RNF144A: variants seen among roughly 807,000 people sequenced by gnomAD.
The protein encoded by RNF144A is E3 ubiquitin-protein ligase RNF144A.
RNF144A carries 11 observed loss-of-function variants against 38.7 expected under a neutral mutation model. The observed-to-expected ratio is 0.28, with a 90% CI of 0.18 to 0.47. RNF144A has a LOEUF of 0.47. Ranked by LOEUF, RNF144A falls within the 20% of genes least tolerant of loss-of-function variation. The pLI is 0.99. For synonymous variants in RNF144A, 149 were observed against 143.9 expected (o/e 1.04, Z -0.25); for missense variants, 316 against 377.2 (o/e 0.84, Z 1.34).
chr2:7,058,811 G>A (rs1300622575), intron 6 of RNF144A, among the ~76,000 whole-genome samples: 1 of 151,996 alleles, frequency 6.6e-6, no homozygotes, highest in Non-Finnish European at 1.5e-5. Flanking sequence ...TTTTGTCCTT[G>A]CAATGTTTTT....
At chr2:7,074,104 C>T in the RNF144A span, among the ~76,000 whole-genome samples, 1 of 152,342 alleles carries the variant, frequency 6.6e-6, no homozygotes, top group Non-Finnish European at 1.5e-5. Context: ...CATATCAATG[C>T]CTTGCACAGA....
chr2:6,939,752 G>A lies in RNF144A; in HGVS notation c.-211-1196G>A, dbSNP rs1177290557. Among the ~76,000 whole-genome samples, 3 of 151,644 alleles carry A rather than the reference G, an allele frequency of 2.0e-5. No individual in the cohort carries two copies. The East Asian group carries it at 5.8e-4, about 29-fold the overall frequency. ...CATTTGCTGTTAATTTTTGTGAAAG[G>A]TTTAAGGTCTGTGTTTAGATTCAGT... On this transcript the variant is annotated intron_variant, in intron 1 of 8. Transcript: ENST00000320892.
At chr2:7,038,723 A>G (rs1210604391) in intron 8 of RNF144A, among the ~76,000 whole-genome samples, 5 of 152,052 alleles carry the variant, frequency 3.3e-5, no homozygotes, top group Non-Finnish European at 7.4e-5. Context: ...GATGGTGGGT[A>G]TATGAATGGA....
chr2:7,019,304 A>G (rs1342713411), intron 5 of RNF144A, among the ~76,000 whole-genome samples: 1 of 152,124 alleles, frequency 6.6e-6, no homozygotes, highest in Admixed American at 6.5e-5. Flanking sequence ...TTTGTCATTA[A>G]CTTCCTGCTG....
At chr2:7,030,079 G>C in intron 7 of RNF144A, 47 bp from the exon 8 acceptor site, 1 of 1,321,242 alleles carries the variant, frequency 7.6e-7, no homozygotes. Flanking sequence ...TCACCGAACT[G>C]AGCAGGAACC....
chr2:6,957,765 T>C (rs1012040024), intron 2 of RNF144A, among the ~76,000 whole-genome samples: 1 of 152,272 alleles, frequency 6.6e-6, no homozygotes, highest in Non-Finnish European at 1.5e-5. Flanking sequence ...TTCTGAGAGC[T>C]ACCTCTTTGC....
chr2:7,018,863 G>T (rs1479707868), intron 5 of RNF144A, among the ~76,000 whole-genome samples: 1 of 151,724 alleles, frequency 6.6e-6, no homozygotes, highest in Non-Finnish European at 1.5e-5. Flanking sequence ...CATTCTGACA[G>T]TTTTGTGCTG....
chr2:7,069,754 C>T (rs7605141), downstream of RNF144A, among the ~76,000 whole-genome samples: 43,960 of 152,090 alleles, frequency 0.29, 6,865 homozygotes, highest in East Asian at 0.49. Flanking sequence ...AGGCTCAGGC[C>T]TATATTAGAG....
intron 2 of RNF144A, among the ~76,000 whole-genome samples, chr2:6,982,462 C>A (rs56303900): frequency 0.46 from 69,660 of 151,890 alleles, 16,516 homozygotes; most frequent in Non-Finnish European, 0.54. Context: ...TTTTTTCTTC[C>A]TAGATAACTA....
At chr2:7,075,124 C>G in the RNF144A span, among the ~76,000 whole-genome samples, 1 of 152,134 alleles carries the variant, frequency 6.6e-6, no homozygotes, top group Non-Finnish European at 1.5e-5. Context: ...CACCTCTGCT[C>G]CATGACATCT....
At chr2:6,992,980 C>T (rs771191007) in intron 2 of RNF144A, among the ~76,000 whole-genome samples, 1 of 152,168 alleles carries the variant, frequency 6.6e-6, no homozygotes, top group Non-Finnish European at 1.5e-5. Context: ...TTGACATTCA[C>T]ATTAGGAAAA....
At chr2:6,925,201 T>G (rs1664782563) in intron 1 of RNF144A, among the ~76,000 whole-genome samples, 1 of 152,090 alleles carries the variant, frequency 6.6e-6, no homozygotes, top group Non-Finnish European at 1.5e-5. Flanking sequence ...AGTAAGTGAT[T>G]GTAATCCCTG....
intron 6 of RNF144A, among the ~76,000 whole-genome samples, chr2:7,062,096 C>T (rs1673981555): frequency 6.6e-6 from 1 of 152,156 alleles, no homozygotes; most frequent in South Asian, 2.1e-4. Flanking sequence ...GGGCTGGGAA[C>T]CTGGTTCTGC....
intron 1 of RNF144A, among the ~76,000 whole-genome samples, chr2:6,932,417 A>T (rs1665262549): frequency 6.6e-6 from 1 of 152,176 alleles, no homozygotes; most frequent in Admixed American, 6.5e-5. Flanking sequence ...ACAATTACAC[A>T]CACTTTAAAA....
chr2:6,930,235 A>C (rs1372077067), intron 1 of RNF144A, among the ~76,000 whole-genome samples: 2 of 152,228 alleles, frequency 1.3e-5, no homozygotes, highest in Non-Finnish European at 2.9e-5. Flanking sequence ...GATAGTGGGC[A>C]TGGGAAATGT....
intron 8 of RNF144A, 72 bp from the exon 9 acceptor site, chr2:7,039,557 T>C: frequency 1.3e-5 from 20 of 1,569,690 alleles, no homozygotes; most frequent in Non-Finnish European, 1.7e-5. Context: ...GCTGGTTGTG[T>C]GGTTTACACT....
chr2:7,018,294 G>A (rs3771964), intron 5 of RNF144A, among the ~76,000 whole-genome samples: 22,101 of 152,274 alleles, frequency 0.15, 2,455 homozygotes, highest in East Asian at 0.56. Context: ...CCCGCGCAGC[G>A]TGTTGTTTAG....
chr2:7,010,674 C>T (rs1670738408), intron 3 of RNF144A, among the ~76,000 whole-genome samples: 1 of 152,164 alleles, frequency 6.6e-6, no homozygotes, highest in Non-Finnish European at 1.5e-5. Flanking sequence ...AATGAAATTC[C>T]TGGAACATTC....
chr2:6,949,098 G>A (rs76287076), intron 2 of RNF144A, among the ~76,000 whole-genome samples: 3,168 of 152,222 alleles, frequency 0.021, 117 homozygotes, highest in African/African-American at 0.074. Flanking sequence ...AATTCTAGTT[G>A]AAAACTTTGG....
Sources: allele counts gnomAD v4.1 joint callset (sites outside exome capture counted in the v4.1 genomes callset), GRCh38; gene constraint gnomAD v4.1.1; transcripts MANE v1.5; gene names NCBI Gene and HGNC (gene_info 2026-07-23, HGNC 2026-07-21).